ANKRD30A: variants seen among roughly 807,000 people sequenced by gnomAD.
ANKRD30A encodes ankyrin repeat domain 30A.
A neutral mutation model predicts 166.3 loss-of-function variants in ANKRD30A; 170 were observed. The ratio of observed to expected loss-of-function variants is 1.02; its 90% CI spans 0.90 to 1.16. The LOEUF (loss-of-function observed/expected upper bound fraction) is 1.16. Ranked by LOEUF, ANKRD30A falls within the 50% of genes most tolerant of loss-of-function variation. The probability of loss-of-function intolerance (pLI) is 0.00; values close to 1 mark genes in which losing one functional copy is unlikely to be tolerated. For synonymous variants in ANKRD30A, 564 were observed against 508.9 expected (o/e 1.11, Z -1.46); for missense variants, 1,630 against 1,518.0 (o/e 1.07, Z -1.23).
chr10:37,239,981 A>C, the ANKRD30A span, among the ~76,000 whole-genome samples: 1 of 152,100 alleles, frequency 6.6e-6, no homozygotes, highest in East Asian at 1.9e-4. Flanking sequence ...AACAGGAGAA[A>C]GGTACATTGC....
intron 31 of ANKRD30A, among the ~76,000 whole-genome samples, chr10:37,204,486 T>A (rs1311791409): frequency 1.3e-5 from 2 of 152,164 alleles, no homozygotes; most frequent in African/African-American, 4.8e-5. Context: ...ATTAAAGACT[T>A]AAATGTTAGA....
rs879132882 is a variant in ANKRD30A at position 37,219,861 on chromosome 10, T to C, written c.4149T>C (p.Arg1383=). Residue 1383 remains arginine (R), a synonymous_variant, in exon 34 of 36, where the codon CGT becomes CGC. Coordinates refer to ENST00000361713, the MANE Select transcript of ANKRD30A (RefSeq NM_052997.3). The part of the protein sequence containing the change: ...IFNYNNHLKN[R]IYQYEKEKAE... ...ATTACAATAACCATTTAAAAAACCG[T>C]ATATATCAATATGAAAAAGAGAAAG... is the stretch of plus-strand genomic sequence containing the variant. 1 of 1,540,884 alleles carries C rather than the reference T, an allele frequency of 6.5e-7. No individual in the cohort carries two copies. Among genetic ancestry groups the C allele is most frequent in the African/African-American group, 1.4e-5 (1 of 71,094 alleles).
chr10:37,232,678 ATATATATATAT>A (rs1843475901), downstream of ANKRD30A: 1 of 7,594 alleles, frequency 1.3e-4, no homozygotes, highest in Non-Finnish European at 7.8e-4. Flanking sequence ...ATATATATAT[ATATATATATAT>A]ATATAAATAG....
chr10:37,194,226 A>T (rs976543073), intron 27 of ANKRD30A, among the ~76,000 whole-genome samples: 1 of 152,030 alleles, frequency 6.6e-6, no homozygotes, highest in Non-Finnish European at 1.5e-5. Flanking sequence ...AGCTCACAAC[A>T]TATGTGTGGT....
intron 31 of ANKRD30A, among the ~76,000 whole-genome samples, chr10:37,202,053 T>G (rs1340263380): frequency 6.6e-6 from 1 of 152,122 alleles, no homozygotes; most frequent in Non-Finnish European, 1.5e-5. Context: ...TGGTGGTCCT[T>G]GTACCTTGAT....
At chr10:37,165,449 A>G (rs865967058) in intron 18 of ANKRD30A, among the ~76,000 whole-genome samples, 3 of 152,374 alleles carry the variant, frequency 2.0e-5, no homozygotes, top group Middle Eastern at 3.4e-3. Flanking sequence ...GTCTAAAAGC[A>G]AAAGAATTAC....
intron 13 of ANKRD30A, among the ~76,000 whole-genome samples, chr10:37,155,034 T>A (rs1294545575): frequency 6.6e-6 from 1 of 152,152 alleles, no homozygotes; most frequent in Non-Finnish European, 1.5e-5. Flanking sequence ...AAAATTGCCA[T>A]TTTATAAAAC....
At position 37,217,823 on chromosome 10, in the gene ANKRD30A, A is replaced by T. The variant is rs775302550; in HGVS notation, c.3212A>T (p.Gln1071Leu). 1 of 1,601,028 alleles carries T rather than the reference A, an allele frequency of 6.2e-7. No individual in the cohort carries two copies. Among genetic ancestry groups the T allele is most frequent in the South Asian group, 1.1e-5 (1 of 89,502 alleles). The change falls in exon 33 of 36, where the codon CAG becomes CTG. Residue 1071 changes from glutamine to leucine, a missense_variant. Around this residue, in one of 4 missense-constraint regions of ANKRD30A, gnomAD observed 712 missense variants for 629.3 expected, o/e 1.13. Transcript: ENST00000361713. The part of the protein sequence containing the change: ...KELEVKQQLE[Q>L]ALRIQDIELK... ...TTAGAAGTGAAACAACAACTTGAACAGGCTCTCAGAATACAAGATATAGAA... is the reference window on the plus strand; with the variant it reads ...TTAGAAGTGAAACAACAACTTGAACTGGCTCTCAGAATACAAGATATAGAA...
chr10:37,217,966 T>C, intron 33 of ANKRD30A, 88 bp downstream of exon 33: 1 of 979,808 alleles, frequency 1.0e-6, no homozygotes, highest in African/African-American at 1.7e-5. Flanking sequence ...GTATGTATTA[T>C]TCAGGTCTAA....
chr10:37,145,081 C>T lies in ANKRD30A; in HGVS notation c.1455+25C>T, dbSNP rs770982262. 2.7e-6 allele frequency: 4 copies of T among 1,500,794 alleles called. No individual in the cohort carries two copies. The South Asian group carries it at 5.2e-5, about 19-fold the overall frequency. The allele number at this position is 1,500,794 out of a possible 1,614,324, so 93.0% of individuals were successfully genotyped here. A position where few individuals can be genotyped will look rare whatever the true frequency, so the allele number is the denominator to read the frequency against. ...GGTATTGTGTATTATTGATGTTATT[C>T]TCTAAAAATATTAATATTGAGTGAT... On this transcript the variant is annotated intron_variant, in intron 8 of 35. Coordinates refer to ENST00000361713, the MANE Select transcript of ANKRD30A (RefSeq NM_052997.3).
chr10:37,129,858 C>G (rs749051263), intron 1 of ANKRD30A, 35 bp from the exon 2 acceptor site: 3 of 1,371,000 alleles, frequency 2.2e-6, no homozygotes, highest in South Asian at 3.8e-5. Flanking sequence ...GGACAGTGGA[C>G]TAAACTTTGC....
At chr10:37,149,400 C>G (rs934059767) in intron 9 of ANKRD30A, among the ~76,000 whole-genome samples, 42 of 152,020 alleles carry the variant, frequency 2.8e-4, no homozygotes, top group Non-Finnish European at 4.6e-4. Flanking sequence ...CATATCAACC[C>G]TTTTTACACG....
chr10:37,132,398 ATAACACT>A (rs763673423), intron 4 of ANKRD30A, 52 bp downstream of exon 4: 3 of 1,050,648 alleles, frequency 2.9e-6, no homozygotes, highest in Non-Finnish European at 4.1e-6. Flanking sequence ...TTCTAGAGTA[ATAACACT>A]CAAGTCAGAA....
the ANKRD30A span, among the ~76,000 whole-genome samples, chr10:37,251,378 A>T: frequency 6.6e-6 from 1 of 152,192 alleles, no homozygotes; most frequent in Non-Finnish European, 1.5e-5. Flanking sequence ...GCATAGAAAC[A>T]TGGCACCAAT....
chr10:37,241,369 A>G, the ANKRD30A span: 20 of 151,050 alleles, frequency 1.3e-4, no homozygotes, highest in Non-Finnish European at 2.8e-4. Context: ...TTTTAATTTA[A>G]CATAAAACAT....
the ANKRD30A span, among the ~76,000 whole-genome samples, chr10:37,261,173 T>C: frequency 2.0e-5 from 3 of 152,212 alleles, no homozygotes; most frequent in South Asian, 6.2e-4. Flanking sequence ...TTAGTTGACA[T>C]GATTAGATGA....
At chr10:37,245,996 T>C in the ANKRD30A span, among the ~76,000 whole-genome samples, 2 of 152,168 alleles carry the variant, frequency 1.3e-5, no homozygotes, top group African/African-American at 4.8e-5. Context: ...TATATCAGGC[T>C]CACTCAGGAT....
chr10:37,126,450 A>G (rs187183650), intron 1 of ANKRD30A, among the ~76,000 whole-genome samples: 52 of 152,364 alleles, frequency 3.4e-4, no homozygotes, highest in Admixed American at 1.6e-3. Context: ...GCTAAAAATT[A>G]TCTGGATAGA....
chr10:37,240,239 C>A, the ANKRD30A span, among the ~76,000 whole-genome samples: 1 of 152,034 alleles, frequency 6.6e-6, no homozygotes, highest in Admixed American at 6.5e-5. Flanking sequence ...CTCAAGTAGT[C>A]GGCATATCTG....
Sources: gnomAD v4.1 joint callset for allele counts (sites outside exome capture counted in the v4.1 genomes callset) on GRCh38, gnomAD v4.1.1 for gene constraint, gnomAD v4.1.1 regional missense constraint, MANE v1.5 for transcripts, NCBI Gene and HGNC (gene_info 2026-07-23, HGNC 2026-07-21) for gene names.